PGLYRP2: variants seen among roughly 807,000 people sequenced by gnomAD.
The protein encoded by PGLYRP2 is peptidoglycan recognition protein 2.
PGLYRP2 carries 38 observed loss-of-function variants against 46.2 expected under a neutral mutation model. The observed-to-expected ratio is 0.82, with a 90% CI of 0.64 to 1.08. The LOEUF (loss-of-function observed/expected upper bound fraction) is 1.08. PGLYRP2 is among the 50% of genes least tolerant of loss of function. The pLI, the probability that PGLYRP2 is intolerant of heterozygous loss-of-function variation, is 0.00. For missense variants in PGLYRP2, 713 were observed against 755.9 expected, an observed-to-expected ratio of 0.94 and a Z score of 0.67; for synonymous variants, 289 against 329.4, an observed-to-expected ratio of 0.88 and a Z score of 1.33.
rs372945332 is a variant in PGLYRP2 at position 15,477,722 on chromosome 19, T to TA, written c.62-1115dup. On this transcript the variant is annotated intron_variant, in intron 1 of 4. Transcript: ENST00000340880. Reference sequence around the variant, plus strand: ...TAAAATAAAATAAATAAAATAAAATTAAATTAAAATAAAATAAAATAAAAT... The same window carrying TA: ...TAAAATAAAATAAATAAAATAAAATTAAAATTAAAATAAAATAAAATAAAAT... Among the ~76,000 whole-genome samples, 121 of 141,614 alleles carry TA rather than the reference T, an allele frequency of 8.5e-4. 2 individuals carry two copies. The highest frequency in any genetic ancestry group is 2.4e-3 in the African/African-American group (94 of 38,408). 92.9% of individuals were successfully genotyped at this position (141,614 alleles called of 152,430 possible). A position where few individuals can be genotyped will look rare whatever the true frequency, so the allele number is the denominator to read the frequency against.
intron 1 of PGLYRP2, among the ~76,000 whole-genome samples, chr19:15,478,507 T>C (rs1370514493): frequency 6.6e-6 from 1 of 152,106 alleles, no homozygotes; most frequent in Non-Finnish European, 1.5e-5. Flanking sequence ...CCCTGGCCTA[T>C]ATAGAAGCAC....
chr19:15,479,341 C>T lies in PGLYRP2; in HGVS notation c.31G>A (p.Gly11Arg), dbSNP rs781259350. 106 of 1,613,966 alleles carry T rather than the reference C, an allele frequency of 6.6e-5. No homozygotes were observed. The highest frequency in any genetic ancestry group is 1.7e-4 in the Admixed American group (10 of 59,986). MAQGVLWILL[G>R]LLLWSDPGTA... ...CCTGGGTCTGACCACAGTAGCAATCCGAGTAGGATCCAGAGGACACCCTGG... is the reference window on the plus strand; with the variant it reads ...CCTGGGTCTGACCACAGTAGCAATCTGAGTAGGATCCAGAGGACACCCTGG... Residue 11 changes from glycine to arginine, a missense_variant, in exon 1 of 5, where the codon GGA (glycine) becomes AGA (arginine). By Grantham distance (125) the Gly-to-Arg change is moderately radical. Coordinates refer to ENST00000340880, the MANE Select transcript of PGLYRP2 (RefSeq NM_052890.4).
At position 15,476,424 on chromosome 19, in the gene PGLYRP2, A is replaced by G. The variant is rs1244254207; in HGVS notation, c.246T>C (p.Asp82=). ...ACAGCTCTGGGCTTAGTGGGCAGGG[A>G]TCCAACTCTGTAGCATTGAGGCTCC... ...GAWSLNATEL[D]PCPLSPELLG... Residue 82 remains aspartate, a synonymous_variant, in exon 2 of 5, where the codon GAT becomes GAC. Transcript: ENST00000340880. 1 of 1,614,050 alleles carries G rather than the reference A, an allele frequency of 6.2e-7. No homozygotes were observed. Among genetic ancestry groups the G allele is most frequent in the Admixed American group, 1.7e-5 (1 of 59,998 alleles).
At position 15,468,671 on chromosome 19, in the gene PGLYRP2, G is replaced by A; in HGVS notation, c.1723C>T (p.Leu575Phe). The change falls in exon 5 of 5, where the codon CTC (leucine) becomes TTC (phenylalanine). Residue 575 changes from leucine to phenylalanine, a missense_variant. Coordinates refer to ENST00000340880, the MANE Select transcript of PGLYRP2 (RefSeq NM_052890.4). ...PPPRTLPATD[L>F]Q ...TTGTTTCCATGCTGTCTTTATTGGAGGTCTGTGGCTGGCAGGGTCCTTGGG... is the reference window on the plus strand; with the variant it reads ...TTGTTTCCATGCTGTCTTTATTGGAAGTCTGTGGCTGGCAGGGTCCTTGGG... 3 of 1,611,950 alleles carry A rather than the reference G, an allele frequency of 1.9e-6. No homozygotes were observed. Among genetic ancestry groups the A allele is most frequent in the Non-Finnish European group, 2.5e-6 (3 of 1,179,012 alleles).
At position 15,469,508 on chromosome 19, in the gene PGLYRP2, G is replaced by C; in HGVS notation, c.1641+124C>G. 1 of 1,336,052 alleles carries C rather than the reference G, an allele frequency of 7.5e-7. No individual in the cohort carries two copies. Among genetic ancestry groups the C allele is most frequent in the Middle Eastern group, 1.8e-4 (1 of 5,600 alleles). 82.8% of individuals were successfully genotyped at this position (1,336,052 alleles called of 1,614,324 possible). A position where few individuals can be genotyped will look rare whatever the true frequency, so the allele number is the denominator to read the frequency against. ...AGGTTTCCTGAATAGACGTGCCGCC[G>C]GGAAGTTGGGGGCCTGGCTGAGGCT... is the stretch of plus-strand genomic sequence containing the variant. On this transcript the variant is annotated intron_variant, in intron 4 of 4. Coordinates refer to ENST00000340880, the MANE Select transcript of PGLYRP2 (RefSeq NM_052890.4). This position sits in a 1 kb window ranked among gnomAD's most constrained non-coding sequence, Gnocchi z 4.9.
chr19:15,476,832 G>A (rs1271714507), intron 1 of PGLYRP2, among the ~76,000 whole-genome samples: 1 of 152,164 alleles, frequency 6.6e-6, no homozygotes, highest in East Asian at 1.9e-4. Context: ...TTTATGAGCA[G>A]GACAGAGGTG....
At chr19:15,472,786 C>T (rs1336617688) in intron 2 of PGLYRP2, among the ~76,000 whole-genome samples, 1 of 152,118 alleles carries the variant, frequency 6.6e-6, no homozygotes, top group Non-Finnish European at 1.5e-5. Context: ...TCAATGCAAT[C>T]TCTATCAAAA....
intron 3 of PGLYRP2, among the ~76,000 whole-genome samples, chr19:15,470,714 G>C (rs983122011): frequency 6.6e-6 from 1 of 151,704 alleles, no homozygotes; most frequent in Non-Finnish European, 1.5e-5. Flanking sequence ...ACGCGATCTC[G>C]GCTCACTGCA....
In PGLYRP2 at chr19:15,469,924, A is replaced by G. The variant is rs781484673; in HGVS notation, c.1349T>C (p.Val450Ala). ...GTACACGTAGCCGTCCGAGCCCACC[A>G]CGAAACTGCAGAGGGGAGGGAGAAG... ...QGWGDIGYSF[V>A]VGSDGYVYEG... Residue 450 changes from valine (V) to alanine (A), a missense_variant, in exon 4 of 5, where the codon GTG becomes GCG. Transcript: ENST00000340880. The surrounding 1 kb of genome is among the most constrained non-coding windows in gnomAD (Gnocchi z 4.9). 5.6e-6 allele frequency: 8 copies of G among 1,427,416 alleles called. No homozygotes were observed. The East Asian group carries it at 2.2e-4, about 39-fold the overall frequency. 88.4% of individuals were successfully genotyped at this position (1,427,416 alleles called of 1,614,324 possible). A position where few individuals can be genotyped will look rare whatever the true frequency, so the allele number is the denominator to read the frequency against.
At chr19:15,468,848 C>T in intron 4 of PGLYRP2, 96 bp from the exon 5 acceptor site, 1 of 912,662 alleles carries the variant, frequency 1.1e-6, no homozygotes, top group Non-Finnish European at 1.7e-6. Context: ...AGGGAGGGGA[C>T]AGTGGCCCAA....
chr19:15,476,634 C>T, intron 1 of PGLYRP2, 26 bp from the exon 2 acceptor site: 1 of 1,517,548 alleles, frequency 6.6e-7, no homozygotes, highest in Non-Finnish European at 8.8e-7. Flanking sequence ...ATGTGTTAGC[C>T]CAGCCCCACC....
At position 15,469,644 on chromosome 19, in the gene PGLYRP2, C is replaced by G. The variant is rs762559649; in HGVS notation, c.1629G>C (p.Pro543=). The change falls in exon 4 of 5, where the codon CCG becomes CCC. Residue 543 remains proline (P), a synonymous_variant. Transcript: ENST00000340880. This position sits in a 1 kb window ranked among gnomAD's most constrained non-coding sequence, Gnocchi z 4.9. Reference sequence around the variant, plus strand: ...TGCGAAGACTCACCGCGGTGAAGTGCGGCCAGGTGCGCAGCAGGTCGAAGA... The same window carrying G: ...TGCGAAGACTCACCGCGGTGAAGTGGGGCCAGGTGCGCAGCAGGTCGAAGA... The part of the protein sequence containing the change: ...DALFDLLRTW[P]HFTATVKPRP... 1 of 1,569,898 alleles carries G rather than the reference C, an allele frequency of 6.4e-7. No homozygotes were observed. Among genetic ancestry groups the G allele is most frequent in the Non-Finnish European group, 8.6e-7 (1 of 1,162,742 alleles).
At chr19:15,470,293 C>CTTCTTTCT (rs55661645) in intron 3 of PGLYRP2, among the ~76,000 whole-genome samples, 2 of 101,866 alleles carry the variant, frequency 2.0e-5, no homozygotes, top group South Asian at 3.4e-4. Flanking sequence ...TCCTTCCTTC[C>CTTCTTTCT]TTCTTTCTTT....
In PGLYRP2 at chr19:15,469,817, A is replaced by G; in HGVS notation, c.1456T>C (p.Tyr486His). ...RGFGVAIVGN[Y>H]TAALPTEAAL... ...GCCTCGGTGGGCAGCGCCGCGGTGT[A>G]GTTGCCCACTATGGCCACGCCGAAG... Residue 486 changes from tyrosine (Y) to histidine (H), a missense_variant, in exon 4 of 5, where the codon TAC becomes CAC. By Grantham distance (83) the Tyr-to-His change is moderately conservative (BLOSUM62 2). Coordinates refer to ENST00000340880, the MANE Select transcript of PGLYRP2 (RefSeq NM_052890.4). The surrounding 1 kb of genome is among the most constrained non-coding windows in gnomAD (Gnocchi z 4.9). The G allele has an allele frequency of 6.5e-7, 1 of 1,528,026 alleles. No individual in the cohort carries two copies. Among genetic ancestry groups the G allele is most frequent in the Non-Finnish European group, 8.7e-7 (1 of 1,147,804 alleles). 94.7% of individuals were successfully genotyped at this position (1,528,026 alleles called of 1,614,324 possible).
chr19:15,471,870 C>G lies in PGLYRP2; in HGVS notation c.1343+20G>C. The G allele has an allele frequency of 6.2e-7, 1 of 1,608,128 alleles. No homozygotes were observed. The highest frequency in any genetic ancestry group is 1.1e-5 in the South Asian group (1 of 90,820). On this transcript the variant is annotated intron_variant, in intron 3 of 4. Coordinates refer to ENST00000340880, the MANE Select transcript of PGLYRP2 (RefSeq NM_052890.4). Reference sequence around the variant, plus strand: ...CCCCGAACGTGGGCCCCGCCCCCTCCCCGGTCGGGCCCCTCCTACCTGTAG... The same window carrying G: ...CCCCGAACGTGGGCCCCGCCCCCTCGCCGGTCGGGCCCCTCCTACCTGTAG...
At position 15,471,945 on chromosome 19, in the gene PGLYRP2, G is replaced by A. The variant is rs1970753406; in HGVS notation, c.1288C>T (p.Arg430Cys). ...TDFTRCAANMRSMQRYHQDTQ... is the reference protein window; with the variant it reads ...TDFTRCAANMCSMQRYHQDTQ... The stretch of plus-strand genomic sequence containing the variant: ...TCCTGGTGGTAGCGCTGCATGGAGC[G>A]CATGTTGGCTGCGCAGCGCGTGAAG... The change falls in exon 3 of 5, where the codon CGC (arginine) becomes TGC (cysteine). Residue 430 changes from arginine to cysteine, a missense_variant. Physicochemically the swap from Arg to Cys is radical, Grantham distance 180. Transcript: ENST00000340880. 6.2e-7 allele frequency: 1 copy of A among 1,614,106 alleles called. No individual in the cohort carries two copies. Among genetic ancestry groups the A allele is most frequent in the Non-Finnish European group, 8.5e-7 (1 of 1,179,970 alleles).
In PGLYRP2 at chr19:15,475,798, T is replaced by C. The variant is rs755096246; in HGVS notation, c.872A>G (p.Glu291Gly). ...ILGDYLSRTP[E>G]PRPSLSHLLS... ...CAAGTGGCTGAGGGATGGCCGGGGC[T>C]CAGGAGTCCGGCTCAGGTAGTCTCC... is the stretch of plus-strand genomic sequence containing the variant. Residue 291 changes from glutamate (E) to glycine (G), a missense_variant, in exon 2 of 5, where the codon GAG becomes GGG. Transcript: ENST00000340880. The C allele has an allele frequency of 5.6e-6, 9 of 1,614,000 alleles. No individual in the cohort carries two copies. Among genetic ancestry groups the C allele is most frequent in the Admixed American group, 5.0e-5 (3 of 60,002 alleles).
chr19:15,469,336 G>C lies in PGLYRP2; in HGVS notation c.1641+296C>G. 1.5e-6 allele frequency: 1 copy of C among 652,274 alleles called. No individual in the cohort carries two copies. The allele number at this position is 652,274 out of a possible 1,614,324, so 40.4% of individuals were successfully genotyped here. On this transcript the variant is annotated intron_variant, in intron 4 of 4. Coordinates refer to ENST00000340880, the MANE Select transcript of PGLYRP2 (RefSeq NM_052890.4). The surrounding 1 kb of genome is among the most constrained non-coding windows in gnomAD (Gnocchi z 4.9). ...GCAGAGGGGCTGTTGGCAGGTGTCA[G>C]GGTCCATGCCTTGGCTGGAAAGGTA... is the stretch of plus-strand genomic sequence containing the variant.
chr19:15,476,401 A>T lies in PGLYRP2; in HGVS notation c.269T>A (p.Leu90Gln). 1 of 1,614,082 alleles carries T rather than the reference A, an allele frequency of 6.2e-7. No individual in the cohort carries two copies. The highest frequency in any genetic ancestry group is 8.5e-7 in the Non-Finnish European group (1 of 1,179,976). Residue 90 changes from leucine (L) to glutamine (Q), a missense_variant, in exon 2 of 5, where the codon CTG (leucine) becomes CAG (glutamine). Coordinates refer to ENST00000340880, the MANE Select transcript of PGLYRP2 (RefSeq NM_052890.4). ...ELDPCPLSPE[L>Q]LGLTKEVARH... is the part of the protein sequence containing the mutation. ...GGCCACCTCCTTGGTCAGGCCTAAC[A>T]GCTCTGGGCTTAGTGGGCAGGGATC...
Sources: gnomAD v4.1 joint callset for allele counts (sites outside exome capture counted in the v4.1 genomes callset) on GRCh38, gnomAD v4.1.1 for gene constraint, Gnocchi (gnomAD v3.1) non-coding constraint, MANE v1.5 for transcripts, NCBI Gene and HGNC (gene_info 2026-07-23, HGNC 2026-07-21) for gene names.